The following IRAG2 variants were observed in gnomAD, a reference collection of about 807,000 sequenced individuals.
IRAG2 encodes the protein inositol 1,4,5-triphosphate receptor associated 2.
A neutral mutation model predicts 69.9 loss-of-function variants in IRAG2; 45 were observed. The ratio of observed to expected loss-of-function variants is 0.64; its 90% CI spans 0.51 to 0.83. The LOEUF (loss-of-function observed/expected upper bound fraction) is 0.83, where lower values mean the gene tolerates loss of function less well. Among genes scored for constraint, IRAG2 ranks in the 40% least tolerant of loss-of-function variants. The pLI, the probability that IRAG2 is intolerant of heterozygous loss-of-function variation, is 0.00. For synonymous variants in IRAG2, 193 were observed against 202.4 expected, an observed-to-expected ratio of 0.95 and a Z score of 0.40; for missense variants, 520 against 587.0, an observed-to-expected ratio of 0.89 and a Z score of 1.18.
chr12:25,000,030 C>T (rs1462089056), upstream of IRAG2, among the ~76,000 whole-genome samples: 14 of 152,338 alleles, frequency 9.2e-5, no homozygotes, highest in African/African-American at 3.1e-4. Flanking sequence ...GTATCTTCCA[C>T]AGACTACGAG....
chr12:25,052,350 G>A, upstream of IRAG2: 1 of 398,730 alleles, frequency 2.5e-6, no homozygotes, highest in Middle Eastern at 6.3e-4. Context: ...GGAGGAGCAG[G>A]TAGGGTGGCT....
rs1470623059 is a variant in IRAG2, at chr12:25,077,308, G to GATATATATGATATATATATGAT, written c.25-1925_25-1904dup. On this transcript the variant is annotated intron_variant, in intron 6 of 21. Transcript: ENST00000556887. ...TATGATATATATATGAAATATATATGATATATATGATATATATATGATATA... is the reference window on the plus strand; with the variant it reads ...TATGATATATATATGAAATATATATGATATATATGATATATATATGATATATATATGATATATATATGATATA... Among the ~76,000 whole-genome samples, 100 of 17,646 alleles carry GATATATATGATATATATATGAT rather than the reference G, an allele frequency of 5.7e-3. 12 individuals carry two copies. Among genetic ancestry groups the GATATATATGATATATATATGAT allele is most frequent in the Admixed American group, 0.012 (17 of 1,424 alleles). The allele number at this position is 17,646 out of a possible 152,430, so 11.6% of individuals were successfully genotyped here. A position where few individuals can be genotyped will look rare whatever the true frequency, so the allele number is the denominator to read the frequency against.
At chr12:25,080,136 G>C (rs1266609606) in intron 9 of IRAG2, among the ~76,000 whole-genome samples, 3 of 152,126 alleles carry the variant, frequency 2.0e-5, no homozygotes. Context: ...GAATTTATCA[G>C]GTTAGAACGA....
intron 9 of IRAG2, 54 bp downstream of exon 9, chr12:25,079,817 C>T (rs909003313): frequency 8.6e-7 from 1 of 1,156,350 alleles, no homozygotes; most frequent in Admixed American, 1.8e-5. Flanking sequence ...CGAAGCAAGT[C>T]TATAAGCTAG....
At position 25,032,959 on chromosome 12, in the gene IRAG2, T is replaced by TTTC. The variant is rs1491227307; in HGVS notation, c.1643+592_1643+593insCTT. ...CTGGAACTAAGTAACTCTTTCTTTC[T>TTTC]TTTTTTTTTTTTTTGGAGGTGGAGT... On this transcript the variant is annotated intron_variant, in intron 12 of 38. Transcript: ENST00000636465. Among the ~76,000 whole-genome samples the TTTC allele has an allele frequency of 6.6e-3, 11 of 1,666 alleles. No homozygotes were observed. In the Non-Finnish European group the frequency reaches 0.45, roughly 69 times the overall value. 1.1% of individuals were successfully genotyped at this position (1,666 alleles called of 152,430 possible). A position where few individuals can be genotyped will look rare whatever the true frequency, so the allele number is the denominator to read the frequency against.
chr12:25,037,868 C>T (rs973407018), intron 15 of IRAG2: 2 of 396,812 alleles, frequency 5.0e-6, no homozygotes, highest in Non-Finnish European at 8.9e-6. Flanking sequence ...TTTTGGCATC[C>T]AGTATGCCAT....
chr12:25,003,827 G>T (rs1944410750), upstream of IRAG2, among the ~76,000 whole-genome samples: 3 of 152,136 alleles, frequency 2.0e-5, no homozygotes. Context: ...GTTAAGTTCT[G>T]AATAGAGGGC....
Position 25,101,342 on chromosome 12 carries a change from A to G in IRAG2, c.889+17A>G, listed in dbSNP as rs1948739662. The G allele has an allele frequency of 1.3e-6, 2 of 1,561,182 alleles. No individual in the cohort carries two copies. Among genetic ancestry groups the G allele is most frequent in the Middle Eastern group, 1.7e-4 (1 of 5,830 alleles). On this transcript the variant is annotated intron_variant, in intron 16 of 21. Coordinates refer to ENST00000556887, the MANE Select transcript of IRAG2 (RefSeq NM_001366544.2). ...AAGATGATGGTAATAAAAGTTTATG[A>G]TAATAGTATTAGTTGTGTTTTTCTA... is the stretch of plus-strand genomic sequence containing the variant.
At chr12:25,105,480 T>G (rs914496553) in intron 20 of IRAG2, among the ~76,000 whole-genome samples, 1 of 152,196 alleles carries the variant, frequency 6.6e-6, no homozygotes, top group African/African-American at 2.4e-5. Flanking sequence ...GGATGGACAC[T>G]CTGCTCAATT....
upstream of IRAG2, among the ~76,000 whole-genome samples, chr12:25,001,226 C>T (rs1253255735): frequency 6.6e-6 from 1 of 151,886 alleles, no homozygotes; most frequent in Non-Finnish European, 1.5e-5. Context: ...GTTTAGAAGA[C>T]AGTAGAAGAA....
chr12:25,008,615 T>C (rs565944291), intron 2 of IRAG2, among the ~76,000 whole-genome samples: 142 of 152,252 alleles, frequency 9.3e-4, no homozygotes, highest in African/African-American at 3.2e-3. Flanking sequence ...GGCACACACT[T>C]GTAATCCCAG....
chr12:25,102,281 A>G (rs1565590989), intron 17 of IRAG2, 40 bp downstream of exon 17: 4 of 1,513,520 alleles, frequency 2.6e-6, no homozygotes, highest in East Asian at 2.3e-5. Context: ...AGCAAATACT[A>G]TAAGACGGTT....
intron 12 of IRAG2, chr12:25,033,710 C>T (rs1591932566): frequency 2.6e-6 from 1 of 391,446 alleles, no homozygotes. Flanking sequence ...TGATCACTCT[C>T]CCTATTCCCA....
At chr12:25,038,892 C>T (rs1311172690) in intron 16 of IRAG2, among the ~76,000 whole-genome samples, 1 of 152,146 alleles carries the variant, frequency 6.6e-6, no homozygotes, top group East Asian at 1.9e-4. Context: ...TATGTTTGAC[C>T]TCAGTGTATC....
intron 14 of IRAG2, chr12:25,092,895 TTTTG>T (rs1359427878): frequency 6.3e-6 from 1 of 157,984 alleles, no homozygotes; most frequent in East Asian, 1.8e-4. Context: ...GTTCATAATA[TTTTG>T]TTTGTAGTTG....
chr12:25,051,653 C>T (rs1363775658), upstream of IRAG2, among the ~76,000 whole-genome samples: 5 of 152,140 alleles, frequency 3.3e-5, no homozygotes, highest in Non-Finnish European at 5.9e-5. Flanking sequence ...GGGAGAAAAG[C>T]TTCAGCAAAA....
chr12:25,049,880 G>A (rs1190054166), upstream of IRAG2, among the ~76,000 whole-genome samples: 1 of 150,984 alleles, frequency 6.6e-6, no homozygotes, highest in Non-Finnish European at 1.5e-5. Flanking sequence ...CTACCCGGGA[G>A]GCTGAGGCAG....
At chr12:25,034,615 G>A (rs1484278394) in intron 13 of IRAG2, among the ~76,000 whole-genome samples, 2 of 152,092 alleles carry the variant, frequency 1.3e-5, no homozygotes, top group Non-Finnish European at 2.9e-5. Context: ...GTATTCTCCA[G>A]TTTTGTGCTT....
In IRAG2 at chr12:25,079,807, C is replaced by T. The variant is rs113316396; in HGVS notation, c.244+44C>T. 1,525 of 1,253,552 alleles carry T rather than the reference C, an allele frequency of 1.2e-3. 19 individuals are homozygous for T. Among genetic ancestry groups the T allele is most frequent in the South Asian group, 8.1e-3 (672 of 82,662 alleles). 77.7% of individuals were successfully genotyped at this position (1,253,552 alleles called of 1,614,324 possible). ...TAAGCATGATTTTAATTCTAAAACA[C>T]GAAGCAAGTCTATAAGCTAGTGAAG... On this transcript the variant is annotated intron_variant, in intron 9 of 21. Transcript: ENST00000556887.
Sources: allele counts gnomAD v4.1 joint callset (sites outside exome capture counted in the v4.1 genomes callset), GRCh38; gene constraint gnomAD v4.1.1; transcripts MANE v1.5; gene names NCBI Gene and HGNC (gene_info 2026-07-23, HGNC 2026-07-21).